PSG11: variants seen among roughly 807,000 people sequenced by gnomAD.
The protein encoded by PSG11 is pregnancy-specific beta-1-glycoprotein 11.
PSG11 carries 42 observed loss-of-function variants against 36.0 expected under a neutral mutation model. The observed-to-expected ratio is 1.17, with a 90% CI of 0.91 to 1.51. The LOEUF (loss-of-function observed/expected upper bound fraction) is 1.51, where lower values mean the gene tolerates loss of function less well. Among genes scored for constraint, PSG11 ranks in the 40% most tolerant of loss-of-function variants. The pLI, the probability that PSG11 is intolerant of heterozygous loss-of-function variation, is 0.00. For missense variants in PSG11, 558 were observed against 403.5 expected (o/e 1.38, Z -3.28); for synonymous variants, 206 against 153.5 (o/e 1.34, Z -2.53).
chr19:43,010,291 C>G (rs540006534), intron 4 of PSG11: 2 of 1,480,120 alleles, frequency 1.4e-6, no homozygotes, highest in Non-Finnish European at 1.8e-6. Flanking sequence ...GGCTTTCAGA[C>G]GTGAGAAAGG....
rs199730690 is a variant in PSG11, at chr19:43,018,757, A to G, written c.709+13T>C. ...ATGGCAGCCTGGCTCACAGAGGAAC[A>G]GAAGATACTCACGGAGGAGATTCAG... On this transcript the variant is annotated intron_variant, in intron 3 of 5. Coordinates refer to ENST00000320078, the MANE Select transcript of PSG11 (RefSeq NM_002785.3). 323 of 1,612,044 alleles carry G rather than the reference A, an allele frequency of 2.0e-4. 5 individuals are homozygous for G. Among genetic ancestry groups the G allele is most frequent in the Non-Finnish European group, 2.5e-4 (293 of 1,179,090 alleles).
At chr19:43,013,431 A>T (rs952712854) in intron 4 of PSG11, among the ~76,000 whole-genome samples, 5 of 151,436 alleles carry the variant, frequency 3.3e-5, no homozygotes, top group Non-Finnish European at 7.4e-5. Context: ...CAAAAACCCA[A>T]TTAAAAAATG....
intron 5 of PSG11, among the ~76,000 whole-genome samples, chr19:43,008,674 T>G (rs1973993910): frequency 6.6e-6 from 1 of 151,370 alleles, no homozygotes. Flanking sequence ...TAATGTAATA[T>G]ATAAAATAAG....
intron 1 of PSG11, 178 bp from the exon 2 acceptor site, chr19:43,025,234 ATG>A (rs1266874069): frequency 3.1e-5 from 36 of 1,148,522 alleles, no homozygotes; most frequent in Admixed American, 5.2e-5. Context: ...GTGTATGTGT[ATG>A]TGTGTGTGTT....
chr19:43,007,829 A>G lies in PSG11; in HGVS notation c.*254T>C, dbSNP rs1973967975. 1 of 309,080 alleles carries G rather than the reference A, an allele frequency of 3.2e-6. No individual in the cohort carries two copies. Among genetic ancestry groups the G allele is most frequent in the Non-Finnish European group, 6.3e-6 (1 of 159,284 alleles). 19.1% of individuals were successfully genotyped at this position (309,080 alleles called of 1,614,324 possible). ...AAATCTGGAGGATAAAACATTCAAA[A>G]AATCAGCACATTTTCCAATAAAAAA... On this transcript the variant is annotated 3_prime_UTR_variant, in exon 6 of 6. Coordinates refer to ENST00000320078, the MANE Select transcript of PSG11 (RefSeq NM_002785.3).
rs575017081 is a variant in PSG11 at position 43,018,821 on chromosome 19, A to C, written c.658T>G (p.Trp220Gly). ...CTGCGGCTGGCACTCCCTGAGTTCC[A>C]TATTTCACATTCATAGGGTCCTGCA... Reference protein sequence around the residue: ...YTAGPYECEIWNSGSASRSDP... With the variant: ...YTAGPYECEIGNSGSASRSDP... The change falls in exon 3 of 6, where the codon TGG (tryptophan) becomes GGG (glycine). Residue 220 changes from tryptophan (W) to glycine (G), a missense_variant. Transcript: ENST00000320078. 6.2e-7 allele frequency: 1 copy of C among 1,612,080 alleles called. No homozygotes were observed. Among genetic ancestry groups the C allele is most frequent in the South Asian group, 1.1e-5 (1 of 90,832 alleles).
At chr19:43,025,731 G>A (rs1490079908) in intron 1 of PSG11, among the ~76,000 whole-genome samples, 4 of 148,134 alleles carry the variant, frequency 2.7e-5, no homozygotes, top group Admixed American at 2.7e-4. Context: ...TTTATTTGTA[G>A]TGTCATCTGA....
intron 2 of PSG11, among the ~76,000 whole-genome samples, chr19:43,023,987 C>G (rs1227549877): frequency 6.6e-6 from 1 of 151,502 alleles, no homozygotes; most frequent in Non-Finnish European, 1.5e-5. Flanking sequence ...TACATCTTCT[C>G]TCTTCTGTTT....
At chr19:43,019,428 C>G (rs1967049788) in intron 2 of PSG11, 1 of 232,356 alleles carries the variant, frequency 4.3e-6, no homozygotes, top group East Asian at 9.4e-5. Flanking sequence ...TTCAGTCTTA[C>G]TTTTCCCCCC....
chr19:43,025,451 C>T, intron 1 of PSG11: 1 of 220,204 alleles, frequency 4.5e-6, no homozygotes, highest in Non-Finnish European at 9.0e-6. Flanking sequence ...CCTTTCTGAC[C>T]TTTCCCTGCT....
chr19:43,010,461 A>G (rs1223015533), intron 4 of PSG11: 19 of 1,261,130 alleles, frequency 1.5e-5, no homozygotes, highest in Admixed American at 2.1e-5. Flanking sequence ...AGTGCATTTC[A>G]AATTCACCAC....
chr19:43,021,293 A>G (rs1204681280), intron 2 of PSG11, among the ~76,000 whole-genome samples: 2 of 149,808 alleles, frequency 1.3e-5, no homozygotes, highest in Non-Finnish European at 3.0e-5. Context: ...CAAGCTAGGG[A>G]TTCCTTCCTC....
chr19:43,012,476 A>T (rs922130270), intron 4 of PSG11, among the ~76,000 whole-genome samples: 13 of 151,612 alleles, frequency 8.6e-5, no homozygotes, highest in African/African-American at 3.2e-4. Context: ...TTCAAACATC[A>T]GTTGTATTTC....
chr19:43,013,150 G>A (rs1191834316), intron 4 of PSG11, among the ~76,000 whole-genome samples: 3 of 151,298 alleles, frequency 2.0e-5, no homozygotes, highest in Admixed American at 1.3e-4. Flanking sequence ...ATCTAAATGT[G>A]AGAGCAAAAA....
intron 3 of PSG11, chr19:43,015,684 G>A: frequency 2.5e-6 from 4 of 1,574,200 alleles, no homozygotes; most frequent in Non-Finnish European, 3.4e-6. Context: ...GTCTGTACTT[G>A]GACCGGAGAG....
chr19:43,020,247 A>C (rs1369927315), intron 2 of PSG11, among the ~76,000 whole-genome samples: 1 of 151,430 alleles, frequency 6.6e-6, no homozygotes, highest in Non-Finnish European at 1.5e-5. Context: ...TTGGAATTCT[A>C]ATTTTTTTTA....
chr19:43,018,556 C>T, intron 3 of PSG11: 1 of 1,159,496 alleles, frequency 8.6e-7, no homozygotes, highest in Non-Finnish European at 1.2e-6. Flanking sequence ...TCTGTGGACC[C>T]TGAGCCTCCC....
intron 4 of PSG11, among the ~76,000 whole-genome samples, chr19:43,012,378 A>T (rs2122789363): frequency 6.6e-6 from 1 of 151,656 alleles, no homozygotes; most frequent in African/African-American, 2.4e-5. Context: ...AGATAACTTG[A>T]ACTTATATGT....
chr19:43,016,053 G>C (rs200592598), intron 3 of PSG11: 1 of 1,603,624 alleles, frequency 6.2e-7, no homozygotes, highest in African/African-American at 1.4e-5. Flanking sequence ...TTGCTGTGTG[G>C]ATAACAGAGA....
Sources: gnomAD v4.1 joint callset for allele counts (sites outside exome capture counted in the v4.1 genomes callset) on GRCh38, gnomAD v4.1.1 for gene constraint, MANE v1.5 for transcripts, NCBI Gene and HGNC (gene_info 2026-07-23, HGNC 2026-07-21) for gene names.